RAB22A: variants seen among roughly 807,000 people sequenced by gnomAD.
RAB22A encodes RAB22A, member RAS oncogene family.
A neutral mutation model predicts 30.2 loss-of-function variants in RAB22A; 13 were observed. The observed-to-expected ratio is 0.43, with a 90% CI of 0.28 to 0.68. The LOEUF is 0.68. RAB22A is among the 30% of genes least tolerant of loss of function. The pLI, the probability that RAB22A is intolerant of heterozygous loss-of-function variation, is 0.18. For synonymous variants in RAB22A, 89 were observed against 87.2 expected (o/e 1.02, Z -0.11); for missense variants, 177 against 246.8 (o/e 0.72, Z 1.89).
At chr20:58,344,246 C>T (rs138961802) in intron 3 of RAB22A, among the ~76,000 whole-genome samples, 11 of 152,350 alleles carry the variant, frequency 7.2e-5, no homozygotes, top group African/African-American at 2.6e-4. Flanking sequence ...TAAGCTAACA[C>T]AGTGCCTTGC....
chr20:58,328,123 C>G (rs1319694986), intron 2 of RAB22A, among the ~76,000 whole-genome samples: 1 of 152,158 alleles, frequency 6.6e-6, no homozygotes, highest in Non-Finnish European at 1.5e-5. Flanking sequence ...CAATAGGCAA[C>G]TCACTATCAA....
chr20:58,339,342 G>A (rs1226307666), intron 2 of RAB22A, among the ~76,000 whole-genome samples: 1 of 152,230 alleles, frequency 6.6e-6, no homozygotes, highest in East Asian at 1.9e-4. Context: ...ACAAGTAAAT[G>A]GCAGGCTGGA....
At chr20:58,316,911 T>A (rs1271321633) in intron 2 of RAB22A, among the ~76,000 whole-genome samples, 3 of 151,984 alleles carry the variant, frequency 2.0e-5, no homozygotes, top group Non-Finnish European at 4.4e-5. Context: ...CACCATCTCC[T>A]CCCCTCAGCC....
At chr20:58,325,476 C>G (rs1294250664) in intron 2 of RAB22A, among the ~76,000 whole-genome samples, 3 of 142,964 alleles carry the variant, frequency 2.1e-5, no homozygotes, top group African/African-American at 7.7e-5. Context: ...GACTCCGTCT[C>G]AAAAAAAAAA....
At chr20:58,341,811 T>C (rs1399472288) in intron 2 of RAB22A, among the ~76,000 whole-genome samples, 2 of 152,222 alleles carry the variant, frequency 1.3e-5, no homozygotes, top group Non-Finnish European at 2.9e-5. Context: ...TATACCTTTC[T>C]CAGCTTTTTG....
chr20:58,327,882 T>C (rs1868861332), intron 2 of RAB22A, among the ~76,000 whole-genome samples: 1 of 152,126 alleles, frequency 6.6e-6, no homozygotes, highest in Admixed American at 6.5e-5. Flanking sequence ...GAGAAACTGA[T>C]CCAGATAGAA....
intron 2 of RAB22A, among the ~76,000 whole-genome samples, chr20:58,328,698 A>G (rs1986609813): frequency 6.6e-6 from 1 of 151,830 alleles, no homozygotes; most frequent in African/African-American, 2.4e-5. Flanking sequence ...TTTCCTCCCT[A>G]CTTAGGTAGT....
chr20:58,329,388 T>C (rs1332625033), intron 2 of RAB22A, among the ~76,000 whole-genome samples: 1 of 152,156 alleles, frequency 6.6e-6, no homozygotes, highest in Non-Finnish European at 1.5e-5. Flanking sequence ...TTGCTAGATG[T>C]AGATTTCAGA....
chr20:58,324,421 G>T (rs1339355943), intron 2 of RAB22A, among the ~76,000 whole-genome samples: 1 of 151,862 alleles, frequency 6.6e-6, no homozygotes, highest in African/African-American at 2.4e-5. Context: ...TTTTGCCTTT[G>T]ATCAACTCTA....
intron 2 of RAB22A, among the ~76,000 whole-genome samples, chr20:58,337,430 G>A (rs953370238): frequency 2.6e-5 from 4 of 152,054 alleles, no homozygotes; most frequent in Non-Finnish European, 5.9e-5. Context: ...TAATCACATC[G>A]GGCAGGTCTC....
intron 2 of RAB22A, among the ~76,000 whole-genome samples, chr20:58,337,902 T>C (rs1457495286): frequency 6.6e-6 from 1 of 152,240 alleles, no homozygotes; most frequent in Non-Finnish European, 1.5e-5. Flanking sequence ...TGTCTAACAA[T>C]AAAGTCAAGA....
intron 3 of RAB22A, among the ~76,000 whole-genome samples, chr20:58,348,181 C>T (rs1190471875): frequency 1.3e-5 from 2 of 152,016 alleles, no homozygotes; most frequent in Non-Finnish European, 2.9e-5. Flanking sequence ...GAGCCGAGAT[C>T]GCACCACTGC....
intron 3 of RAB22A, among the ~76,000 whole-genome samples, chr20:58,351,569 T>C (rs1987050168): frequency 6.6e-6 from 1 of 152,060 alleles, no homozygotes; most frequent in South Asian, 2.1e-4. Context: ...ATCCCAGCAC[T>C]TTGGGAGGCC....
intron 2 of RAB22A, among the ~76,000 whole-genome samples, chr20:58,336,759 G>A (rs1986762678): frequency 6.6e-6 from 1 of 152,122 alleles, no homozygotes; most frequent in Non-Finnish European, 1.5e-5. Context: ...TAAATGGGGT[G>A]GCGGAGCTCT....
chr20:58,357,064 A>G (rs765372794), intron 6 of RAB22A, among the ~76,000 whole-genome samples: 1 of 152,226 alleles, frequency 6.6e-6, no homozygotes, highest in Non-Finnish European at 1.5e-5. Context: ...GTCATTGAGT[A>G]TGCATGCATT....
intron 2 of RAB22A, among the ~76,000 whole-genome samples, chr20:58,311,397 TA>T (rs1568862197): frequency 6.6e-6 from 1 of 152,212 alleles, no homozygotes; most frequent in Non-Finnish European, 1.5e-5. Context: ...GGTCTATAAA[TA>T]TCAACAGCAA....
intron 2 of RAB22A, among the ~76,000 whole-genome samples, chr20:58,311,873 A>C (rs1209167410): frequency 1.3e-5 from 2 of 152,192 alleles, no homozygotes; most frequent in Non-Finnish European, 2.9e-5. Flanking sequence ...TTCTTTGACT[A>C]ATAGAGAAAT....
At chr20:58,340,871 G>T (rs1052141824) in intron 2 of RAB22A, among the ~76,000 whole-genome samples, 5 of 152,316 alleles carry the variant, frequency 3.3e-5, no homozygotes, top group Non-Finnish European at 7.4e-5. Flanking sequence ...CATCTGGCCA[G>T]GGGAGAGCCA....
intron 2 of RAB22A, among the ~76,000 whole-genome samples, chr20:58,331,906 A>G (rs1320415447): frequency 6.6e-6 from 1 of 152,072 alleles, no homozygotes; most frequent in Non-Finnish European, 1.5e-5. Context: ...CCACATATCT[A>G]CCACTGAACT....
Sources: gnomAD v4.1 joint callset for allele counts (sites outside exome capture counted in the v4.1 genomes callset) on GRCh38, gnomAD v4.1.1 for gene constraint, MANE v1.5 for transcripts, NCBI Gene and HGNC (gene_info 2026-07-23, HGNC 2026-07-21) for gene names.